Variants in KLHL29 observed in about 807,000 individuals in gnomAD.
KLHL29 encodes the protein kelch like family member 29, also known as kelch-like protein 29.
Under a neutral mutation model 80.4 loss-of-function variants are expected in KLHL29, and 21 were observed. That is an observed-to-expected ratio of 0.26 (90% confidence interval 0.19 to 0.38). The LOEUF (loss-of-function observed/expected upper bound fraction) is 0.38, where lower values mean the gene tolerates loss of function less well. Among genes scored for constraint, KLHL29 ranks in the 10% least tolerant of loss-of-function variants. The pLI is 1.00. For missense variants in KLHL29, 867 were observed against 1,223.9 expected, an observed-to-expected ratio of 0.71 and a Z score of 4.35; for synonymous variants, 511 against 526.8, an observed-to-expected ratio of 0.97 and a Z score of 0.41.
At chr2:23,388,999 TTTTTTTTTTTA>T (rs1385963695) in intron 1 of KLHL29, among the ~76,000 whole-genome samples, 1 of 107,088 alleles carries the variant, frequency 9.3e-6, no homozygotes, top group South Asian at 4.3e-4. Flanking sequence ...CTTTTTTTTT[TTTTTTTTTTTA>T]AAATCCCAGT....
chr2:23,603,990 GC>G (rs1668639163), intron 3 of KLHL29, among the ~76,000 whole-genome samples: 1 of 152,210 alleles, frequency 6.6e-6, no homozygotes, highest in Non-Finnish European at 1.5e-5. Flanking sequence ...GTGAGCTCAG[GC>G]CTGGGTACTG....
chr2:23,563,433 TCCCAGGAGCCCCCTTGG>T (rs1046250948), intron 3 of KLHL29, among the ~76,000 whole-genome samples: 3 of 152,218 alleles, frequency 2.0e-5, no homozygotes, highest in Non-Finnish European at 4.4e-5. Context: ...CGGAGCTGCC[TCCCAGGAGCCCCCTTGG>T]GGCAGTGTCC....
chr2:23,455,884 G>A (rs1664036507), intron 1 of KLHL29, among the ~76,000 whole-genome samples: 1 of 152,076 alleles, frequency 6.6e-6, no homozygotes, highest in African/African-American at 2.4e-5. Context: ...TGGACATAGG[G>A]CCTTTAAAGG....
chr2:23,583,594 A>G (rs1207536135), intron 3 of KLHL29, among the ~76,000 whole-genome samples: 1 of 152,204 alleles, frequency 6.6e-6, no homozygotes, highest in East Asian at 1.9e-4. Context: ...ATTTACGTGC[A>G]GTGGTGTCTC....
At chr2:23,672,161 A>G (rs572077126) in intron 5 of KLHL29, among the ~76,000 whole-genome samples, 29 of 152,344 alleles carry the variant, frequency 1.9e-4, no homozygotes, top group African/African-American at 6.0e-4. Context: ...GTCCAGGGCC[A>G]GAGCACCCAA....
intron 3 of KLHL29, among the ~76,000 whole-genome samples, chr2:23,579,257 A>G (rs779866632): frequency 6.6e-6 from 1 of 152,242 alleles, no homozygotes; most frequent in Non-Finnish European, 1.5e-5. Flanking sequence ...AACTTGCTCA[A>G]TGCGCTAGCT....
At chr2:23,560,002 G>A (rs190590351) in intron 2 of KLHL29, among the ~76,000 whole-genome samples, 10 of 152,290 alleles carry the variant, frequency 6.6e-5, no homozygotes, top group African/African-American at 1.4e-4. Context: ...GATCAGCCAC[G>A]TCGCAAGTGA....
intron 3 of KLHL29, among the ~76,000 whole-genome samples, chr2:23,565,601 A>T (rs938620777): frequency 1.3e-5 from 2 of 151,086 alleles, no homozygotes; most frequent in Non-Finnish European, 3.0e-5. Flanking sequence ...AGCTTTTTTC[A>T]GCTGTGGCGC....
intron 1 of KLHL29, among the ~76,000 whole-genome samples, chr2:23,402,278 C>G (rs1231400450): frequency 6.6e-6 from 1 of 152,198 alleles, no homozygotes; most frequent in East Asian, 1.9e-4. Context: ...GACTATTGTC[C>G]TATGGAAATA....
At chr2:23,434,057 C>T (rs952957332) in intron 1 of KLHL29, among the ~76,000 whole-genome samples, 24 of 151,616 alleles carry the variant, frequency 1.6e-4, no homozygotes, top group African/African-American at 5.6e-4. Context: ...CGCGGTGGCT[C>T]ACGCCTGTAA....
chr2:23,547,194 T>C lies in KLHL29; in HGVS notation c.-45-14958T>C, dbSNP rs376053247. Reference sequence around the variant, plus strand: ...CCCTTGTGCTCCCAGCCCCGCTCCCTGGCCACTCTGGGGAGGCTGAAGCAG... The same window carrying C: ...CCCTTGTGCTCCCAGCCCCGCTCCCCGGCCACTCTGGGGAGGCTGAAGCAG... On this transcript the variant is annotated intron_variant, in intron 2 of 13. Transcript: ENST00000486442. 5.3e-5 allele frequency among the ~76,000 whole-genome samples: 8 copies of C among 152,288 alleles called. No homozygotes were observed. In the East Asian group the frequency reaches 7.7e-4, roughly 15 times the overall value.
chr2:23,670,929 T>C (rs1207147825), intron 5 of KLHL29, among the ~76,000 whole-genome samples: 1 of 6,322 alleles, frequency 1.6e-4, no homozygotes, highest in Non-Finnish European at 3.5e-4. Flanking sequence ...TCTCTCTCTC[T>C]CTCTCTCTCT....
intron 3 of KLHL29, among the ~76,000 whole-genome samples, chr2:23,598,750 T>A (rs1668491429): frequency 6.6e-6 from 1 of 152,210 alleles, no homozygotes; most frequent in South Asian, 2.1e-4. Context: ...ACTGGGAGTG[T>A]TCATCATGCG....
At chr2:23,636,939 C>T (rs1004549928) in intron 3 of KLHL29, among the ~76,000 whole-genome samples, 5 of 152,194 alleles carry the variant, frequency 3.3e-5, no homozygotes, top group Admixed American at 3.3e-4. Flanking sequence ...CCTACCCTGT[C>T]GAGTTGCCAG....
At chr2:23,609,435 G>A (rs1255895389) in intron 3 of KLHL29, among the ~76,000 whole-genome samples, 3 of 152,144 alleles carry the variant, frequency 2.0e-5, no homozygotes, top group African/African-American at 7.2e-5. Flanking sequence ...ATGAGCTGGA[G>A]AGGTGAGCTG....
intron 2 of KLHL29, among the ~76,000 whole-genome samples, chr2:23,483,169 C>G (rs949391124): frequency 1.3e-5 from 2 of 152,088 alleles, no homozygotes; most frequent in African/African-American, 4.8e-5. Context: ...AGATAAAAAC[C>G]CCTGACCCAG....
At chr2:23,493,863 T>C (rs1202995515) in intron 2 of KLHL29, among the ~76,000 whole-genome samples, 1 of 152,204 alleles carries the variant, frequency 6.6e-6, no homozygotes, top group African/African-American at 2.4e-5. Context: ...AAAGCACAAA[T>C]TGAAATCGAG....
intron 1 of KLHL29, among the ~76,000 whole-genome samples, chr2:23,445,571 A>G (rs1164867251): frequency 6.6e-6 from 1 of 152,240 alleles, no homozygotes; most frequent in Non-Finnish European, 1.5e-5. Context: ...CAGTGCTGCA[A>G]TGAGTAATCT....
intron 1 of KLHL29, among the ~76,000 whole-genome samples, chr2:23,409,387 G>A (rs1666809579): frequency 1.3e-5 from 2 of 152,160 alleles, no homozygotes; most frequent in Admixed American, 1.3e-4. Flanking sequence ...TATGGCTGGA[G>A]GTGGGGGCGG....
Sources: gnomAD v4.1 joint callset for allele counts (sites outside exome capture counted in the v4.1 genomes callset) on GRCh38, gnomAD v4.1.1 for gene constraint, MANE v1.5 for transcripts, NCBI Gene and HGNC (gene_info 2026-07-23, HGNC 2026-07-21) for gene names.